ANO2: variants seen among roughly 807,000 people sequenced by gnomAD.
The protein encoded by ANO2 is anoctamin-2.
In ANO2, 101 loss-of-function variants were observed where a neutral mutation model predicts 124.2. The observed-to-expected ratio is 0.81, with a 90% CI of 0.69 to 0.96. ANO2 has a LOEUF of 0.96. Among genes scored for constraint, ANO2 ranks in the 40% least tolerant of loss-of-function variants. The pLI is 0.00. For synonymous variants in ANO2, 486 were observed against 482.5 expected (o/e 1.01, Z -0.09); for missense variants, 1,293 against 1,274.5 (o/e 1.01, Z -0.22).
At chr12:5,714,539 A>T (rs918075683) in intron 14 of ANO2, among the ~76,000 whole-genome samples, 1 of 152,212 alleles carries the variant, frequency 6.6e-6, no homozygotes, top group Non-Finnish European at 1.5e-5. Context: ...GCTAAAAAAT[A>T]TGCACAACTG....
chr12:5,839,839 C>A (rs968975644), intron 4 of ANO2, among the ~76,000 whole-genome samples: 1 of 152,172 alleles, frequency 6.6e-6, no homozygotes, highest in Non-Finnish European at 1.5e-5. Context: ...TGGCCACAGT[C>A]AGTGGTAAAA....
At chr12:5,915,638 C>T (rs1218513734) in intron 3 of ANO2, among the ~76,000 whole-genome samples, 3 of 152,164 alleles carry the variant, frequency 2.0e-5, no homozygotes, top group East Asian at 1.9e-4. Context: ...GTGGGGCCAC[C>T]GCACCTACTG....
At chr12:5,741,053 C>T (rs1308427967) in intron 12 of ANO2, 9 of 152,362 alleles carry the variant, frequency 5.9e-5, no homozygotes, top group Non-Finnish European at 1.0e-4. Flanking sequence ...TTCATGGCAC[C>T]CTGGAAAGGG....
chr12:5,757,159 T>C (rs1391615715), intron 10 of ANO2, among the ~76,000 whole-genome samples: 3 of 152,230 alleles, frequency 2.0e-5, no homozygotes, highest in African/African-American at 2.4e-5. Context: ...ATTTTGTATA[T>C]AGATGGTTGC....
At chr12:5,721,605 A>G (rs11831828) in intron 14 of ANO2, among the ~76,000 whole-genome samples, 31,470 of 151,788 alleles carry the variant, frequency 0.21, 3,484 homozygotes, top group Middle Eastern at 0.27. Context: ...TCCTGGGCTC[A>G]AGCCATCCTC....
chr12:5,567,036 C>T (rs577134346), intron 23 of ANO2, among the ~76,000 whole-genome samples: 176 of 152,232 alleles, frequency 1.2e-3, no homozygotes, highest in Admixed American at 2.5e-3. Flanking sequence ...GAAAAAGAGA[C>T]GCACACACAA....
chr12:5,688,307 G>A (rs1372690173), intron 14 of ANO2, among the ~76,000 whole-genome samples: 2 of 152,188 alleles, frequency 1.3e-5, no homozygotes, highest in Non-Finnish European at 2.9e-5. Context: ...ACTGGAGAAC[G>A]GGAGGCAAAG....
chr12:5,750,711 T>A (rs1180601803), intron 11 of ANO2, 125 bp downstream of exon 11: 1 of 1,016,204 alleles, frequency 9.8e-7, no homozygotes, highest in Non-Finnish European at 1.4e-6. Flanking sequence ...ACATGTGTCA[T>A]AGCGAAGGAG....
intron 7 of ANO2, among the ~76,000 whole-genome samples, chr12:5,811,749 T>C (rs1953396347): frequency 6.6e-6 from 1 of 152,142 alleles, no homozygotes; most frequent in African/African-American, 2.4e-5. Flanking sequence ...TTAGGAAAGA[T>C]GATATTGATT....
intron 14 of ANO2, among the ~76,000 whole-genome samples, chr12:5,697,135 G>C (rs1180762647): frequency 6.6e-6 from 1 of 152,108 alleles, no homozygotes; most frequent in Admixed American, 6.5e-5. Flanking sequence ...GAAACAAAAT[G>C]TAAGAATTGA....
intron 14 of ANO2, among the ~76,000 whole-genome samples, chr12:5,695,698 G>A (rs1055732175): frequency 3.3e-5 from 5 of 152,126 alleles, no homozygotes; most frequent in African/African-American, 1.2e-4. Context: ...AAAATTAGTT[G>A]GGCCTGGTGG....
intron 3 of ANO2, among the ~76,000 whole-genome samples, chr12:5,873,209 CT>C (rs1841209388): frequency 3.5e-5 from 2 of 57,626 alleles, no homozygotes; most frequent in Non-Finnish European, 5.0e-5. Context: ...CTCTCTCTCT[CT>C]CTCTCTCTCT....
intron 14 of ANO2, among the ~76,000 whole-genome samples, chr12:5,694,113 T>A (rs1949059462): frequency 6.6e-6 from 1 of 152,032 alleles, no homozygotes; most frequent in South Asian, 2.1e-4. Context: ...ATAGCAAAAC[T>A]AGAAGGTGGC....
chr12:5,861,356 AC>A (rs1044690961), intron 3 of ANO2, among the ~76,000 whole-genome samples: 2 of 152,084 alleles, frequency 1.3e-5, no homozygotes. Context: ...AGGGGTTCGT[AC>A]CCCCAGCCAC....
At position 5,908,132 on chromosome 12, in the gene ANO2, T is replaced by C. The variant is rs1444130634; in HGVS notation, c.534+12908A>G. ...CCTGGGGCTTCCACTCTGAAGCCTT[T>C]GGGGGTTCCCGTGTCTGCAGAGAAC... On this transcript the variant is annotated intron_variant, in intron 3 of 24. Transcript: ENST00000682330. This position sits in a 1 kb window ranked among gnomAD's most constrained non-coding sequence, Gnocchi z 4.7. Among the ~76,000 whole-genome samples the C allele has an allele frequency of 6.6e-6, 1 of 152,242 alleles. No individual in the cohort carries two copies. The highest frequency in any genetic ancestry group is 2.4e-5 in the African/African-American group (1 of 41,470).
chr12:5,784,287 C>A (rs984004237), intron 10 of ANO2, among the ~76,000 whole-genome samples: 1 of 152,152 alleles, frequency 6.6e-6, no homozygotes, highest in Non-Finnish European at 1.5e-5. Flanking sequence ...TTGTTTCTGT[C>A]CAAGAGCCAC....
rs1334573067 is a variant in ANO2 at position 5,763,037 on chromosome 12, G to A, written c.1056-12067C>T. 3.9e-5 allele frequency among the ~76,000 whole-genome samples: 6 copies of A among 151,972 alleles called. No individual in the cohort carries two copies. In the East Asian group the frequency reaches 1.2e-3, roughly 29 times the overall value. The stretch of plus-strand genomic sequence containing the variant: ...TAATTGTCACTCTGGTTAAATGAAT[G>A]ATATAGTAACTTTTGATACTATTTA... On this transcript the variant is annotated intron_variant, in intron 10 of 24. Transcript: ENST00000682330.
At chr12:5,923,389 TG>T (rs573250747) in intron 1 of ANO2, among the ~76,000 whole-genome samples, 3 of 152,150 alleles carry the variant, frequency 2.0e-5, no homozygotes, top group African/African-American at 4.8e-5. Flanking sequence ...GTCAGGGTGG[TG>T]GGGGGGCACT....
intron 14 of ANO2, among the ~76,000 whole-genome samples, chr12:5,720,383 G>A (rs575529929): frequency 1.3e-5 from 2 of 152,184 alleles, no homozygotes; most frequent in Non-Finnish European, 2.9e-5. Context: ...GGGAGAAAGA[G>A]CAAGGGAACC....
Sources: gnomAD v4.1 joint callset for allele counts (sites outside exome capture counted in the v4.1 genomes callset) on GRCh38, gnomAD v4.1.1 for gene constraint, Gnocchi (gnomAD v3.1) non-coding constraint, MANE v1.5 for transcripts, NCBI Gene and HGNC (gene_info 2026-07-23, HGNC 2026-07-21) for gene names.